The following SLC39A6 variants were observed in gnomAD, a reference collection of about 807,000 sequenced individuals.
The protein encoded by SLC39A6 is zinc transporter ZIP6.
In SLC39A6, 51 loss-of-function variants were observed where a neutral mutation model predicts 63.5. The observed-to-expected ratio is 0.80, with a 90% confidence interval of 0.64 to 1.01. The LOEUF (loss-of-function observed/expected upper bound fraction) is 1.01, where lower values mean the gene tolerates loss of function less well. Ranked by LOEUF, SLC39A6 falls within the 50% of genes least tolerant of loss-of-function variation. The pLI, the probability that SLC39A6 is intolerant of heterozygous loss-of-function variation, is 0.00. For missense variants in SLC39A6, 805 were observed against 927.8 expected (o/e 0.87, Z 1.72); for synonymous variants, 318 against 324.7 (o/e 0.98, Z 0.22).
At chr18:36,127,652 A>G (rs2089450777) in intron 1 of SLC39A6, among the ~76,000 whole-genome samples, 1 of 152,186 alleles carries the variant, frequency 6.6e-6, no homozygotes, top group South Asian at 2.1e-4. Flanking sequence ...CTCTCCTTAC[A>G]TACAAGCCCA....
At chr18:36,118,303 A>T (rs1425916275) in intron 5 of SLC39A6, among the ~76,000 whole-genome samples, 2 of 152,186 alleles carry the variant, frequency 1.3e-5, no homozygotes, top group African/African-American at 2.4e-5. Flanking sequence ...CTCTGTTCTC[A>T]TGGAGCTTAC....
chr18:36,122,165 C>A lies in SLC39A6; in HGVS notation c.1246G>T (p.Ala416Ser), dbSNP rs749401733. 2 of 1,613,888 alleles carry A rather than the reference C, an allele frequency of 1.2e-6. No individual in the cohort carries two copies. Among genetic ancestry groups the A allele is most frequent in the Non-Finnish European group, 1.7e-6 (2 of 1,179,808 alleles). The part of the protein sequence containing the change: ...HLSSQNIEES[A>S]YFDSTWKGLT... ...CCCTTCCACGTGGAATCAAAATAGGCACTTTCTTCTATGTTTTGAGAAGAC... is the reference window on the plus strand; with the variant it reads ...CCCTTCCACGTGGAATCAAAATAGGAACTTTCTTCTATGTTTTGAGAAGAC... The change falls in exon 5 of 10, where the codon GCC becomes TCC. Residue 416 changes from alanine (A) to serine (S), a missense_variant. This residue lies in a region of SLC39A6 where 639 missense variants were observed against 644.0 expected (regional missense o/e 0.99). Transcript: ENST00000269187.
In SLC39A6 at chr18:36,126,454, C is replaced by G. The variant is rs897650740; in HGVS notation, c.554G>C (p.Ser185Thr). The stretch of plus-strand genomic sequence containing the variant: ...GTTGTACACAGTTGAGGTCACTTCA[C>G]TAGCACTAACACTGTCCTTGACATT... ...RRNVKDSVSA[S>T]EVTSTVYNTV... Residue 185 changes from serine to threonine, a missense_variant, in exon 2 of 10, where the codon AGT becomes ACT. Ser to Thr is a moderately conservative substitution (Grantham distance 58). Transcript: ENST00000269187. 8 of 1,614,254 alleles carry G rather than the reference C, an allele frequency of 5.0e-6. No homozygotes were observed. Among genetic ancestry groups the G allele is most frequent in the Non-Finnish European group, 6.8e-6 (8 of 1,180,042 alleles).
In SLC39A6 at chr18:36,123,489, A is replaced by G. The variant is rs1360207792; in HGVS notation, c.1140+6T>C. ...AAACACTAACAGGACAAATTACTAT[A>G]CTTACATGTGGAAGAAGGTGTAAAA... On this transcript the variant is annotated splice_donor_region_variant and intron_variant, in intron 4 of 9. Coordinates refer to ENST00000269187, the MANE Select transcript of SLC39A6 (RefSeq NM_012319.4). 1.2e-6 allele frequency: 2 copies of G among 1,605,700 alleles called. No individual in the cohort carries two copies. Among genetic ancestry groups the G allele is most frequent in the Non-Finnish European group, 1.7e-6 (2 of 1,177,482 alleles).
chr18:36,122,309 T>C, intron 4 of SLC39A6, 39 bp from the exon 5 acceptor site: 1 of 1,511,836 alleles, frequency 6.6e-7, no homozygotes, highest in Non-Finnish European at 9.1e-7. Flanking sequence ...AATTCATCAG[T>C]TTCACACACC....
At position 36,127,137 on chromosome 18, in the gene SLC39A6, T is replaced by C. The variant is rs535727519; in HGVS notation, c.-9-121A>G. 17 of 810,702 alleles carry C rather than the reference T, an allele frequency of 2.1e-5. No homozygotes were observed. The South Asian group carries it at 3.2e-4, about 15-fold the overall frequency. The allele number at this position is 810,702 out of a possible 1,614,324, so 50.2% of individuals were successfully genotyped here. The stretch of plus-strand genomic sequence containing the variant: ...AAAGTTGCCAGAGCATCATGTGGTG[T>C]GACCAGTGTGACGCTAGGTACTGTG... On this transcript the variant is annotated intron_variant, in intron 1 of 9. Transcript: ENST00000269187.
intron 5 of SLC39A6, among the ~76,000 whole-genome samples, chr18:36,120,478 T>C (rs1379344536): frequency 1.3e-5 from 2 of 152,172 alleles, no homozygotes; most frequent in African/African-American, 4.8e-5. Flanking sequence ...TAAGAGCAAA[T>C]ACTCCTAGTA....
chr18:36,124,965 G>A (rs2089424300), intron 2 of SLC39A6, among the ~76,000 whole-genome samples: 2 of 152,160 alleles, frequency 1.3e-5, no homozygotes, highest in Admixed American at 1.3e-4. Context: ...GAACAAGCAT[G>A]AGGATAAATG....
chr18:36,114,591 C>A, intron 6 of SLC39A6, 117 bp from the exon 7 acceptor site: 1 of 670,038 alleles, frequency 1.5e-6, no homozygotes, highest in Non-Finnish European at 2.5e-6. Context: ...ATAACTCCTT[C>A]ATATCTGCAG....
In SLC39A6 at chr18:36,126,692, A is replaced by C; in HGVS notation, c.316T>G (p.Ser106Ala). The C allele has an allele frequency of 6.2e-7, 1 of 1,613,376 alleles. No individual in the cohort carries two copies. The highest frequency in any genetic ancestry group is 8.5e-7 in the Non-Finnish European group (1 of 1,179,582). Residue 106 changes from serine to alanine, a missense_variant, in exon 2 of 10, where the codon TCA becomes GCA. Ser to Ala is a moderately conservative substitution (Grantham distance 99). Transcript: ENST00000269187. ...TGGTCTGAGTGACGCTCATGGTCTGAGTGATGCTCGTGGTCTGAGTGATGG... is the reference window on the plus strand; with the variant it reads ...TGGTCTGAGTGACGCTCATGGTCTGCGTGATGCTCGTGGTCTGAGTGATGG... ...HDHHSDHEHH[S>A]DHERHSDHEH...
chr18:36,116,696 C>A lies in SLC39A6; in HGVS notation c.1443G>T (p.Glu481Asp), dbSNP rs2089348125. The A allele has an allele frequency of 1.2e-6, 2 of 1,611,476 alleles. No homozygotes were observed. Among genetic ancestry groups the A allele is most frequent in the East Asian group, 4.5e-5 (2 of 44,824 alleles). Residue 481 changes from glutamate to aspartate, a missense_variant, in exon 6 of 10, where the codon GAG (glutamate) becomes GAT (aspartate). Physicochemically the swap from Glu to Asp is conservative, Grantham distance 45 (BLOSUM62 2). This residue lies in a region of SLC39A6 where 639 missense variants were observed against 644.0 expected (regional missense o/e 0.99). Coordinates refer to ENST00000269187, the MANE Select transcript of SLC39A6 (RefSeq NM_012319.4). The stretch of plus-strand genomic sequence containing the variant: ...TACGATCATCTGTATCTACTTTCTC[C>A]TCATTTGTTGAAAGTTGAGATTCAT... Reference protein sequence around the residue: ...SKYESQLSTNEEKVDTDDRTE... With the variant: ...SKYESQLSTNDEKVDTDDRTE...
chr18:36,110,014 G>A (rs765561981), intron 9 of SLC39A6, among the ~76,000 whole-genome samples: 6 of 152,108 alleles, frequency 3.9e-5, no homozygotes, highest in African/African-American at 4.8e-5. Flanking sequence ...AATGAAAAGC[G>A]ATATTGATTT....
Position 36,127,003 on chromosome 18 carries a change from G to A in SLC39A6, c.5C>T (p.Ala2Val). The A allele has an allele frequency of 6.3e-7, 1 of 1,591,966 alleles. No individual in the cohort carries two copies. The highest frequency in any genetic ancestry group is 8.5e-7 in the Non-Finnish European group (1 of 1,169,992). ...GATCAAGATTACAGATAACTTCCTC[G>A]CCATTGCGCCTTCCTAGAAAAGACA... The part of the protein sequence containing the change: M[A>V]RKLSVILILT... Residue 2 changes from alanine to valine, a missense_variant, in exon 2 of 10, where the codon GCG becomes GTG. Coordinates refer to ENST00000269187, the MANE Select transcript of SLC39A6 (RefSeq NM_012319.4).
chr18:36,112,350 G>C lies in SLC39A6; in HGVS notation c.1924+151C>G, dbSNP rs1200825769. The C allele has an allele frequency of 8.3e-6, 5 of 603,804 alleles. No homozygotes were observed. In the African/African-American group the frequency reaches 9.2e-5, roughly 11 times the overall value. 37.4% of individuals were successfully genotyped at this position (603,804 alleles called of 1,614,324 possible). ...GTCTTATTCACCTTGTGTGTATGAAGATGATCCCTGATGTCATCAGTATGC... is the reference window on the plus strand; with the variant it reads ...GTCTTATTCACCTTGTGTGTATGAACATGATCCCTGATGTCATCAGTATGC... On this transcript the variant is annotated intron_variant, in intron 8 of 9. Coordinates refer to ENST00000269187, the MANE Select transcript of SLC39A6 (RefSeq NM_012319.4).
intron 9 of SLC39A6, 113 bp downstream of exon 9, chr18:36,110,946 C>G (rs939899890): frequency 4.7e-5 from 69 of 1,482,736 alleles, no homozygotes; most frequent in Non-Finnish European, 5.7e-5. Context: ...GACGACATAG[C>G]AAGATTCCAC....
At chr18:36,110,409 A>C (rs1457907458) in intron 9 of SLC39A6, among the ~76,000 whole-genome samples, 1 of 151,346 alleles carries the variant, frequency 6.6e-6, no homozygotes, top group African/African-American at 2.4e-5. Context: ...ACACATATTA[A>C]GCAAGATAAA....
At chr18:36,127,601 A>G (rs901568635) in intron 1 of SLC39A6, among the ~76,000 whole-genome samples, 3 of 152,028 alleles carry the variant, frequency 2.0e-5, no homozygotes, top group Admixed American at 6.6e-5. Context: ...AGAAATAATA[A>G]TCTCAGAATT....
Position 36,109,021 on chromosome 18 carries a change from C to A in SLC39A6, c.*572G>T, listed in dbSNP as rs528320295. 2.6e-5 allele frequency: 4 copies of A among 152,242 alleles called. No homozygotes were observed. The highest frequency in any genetic ancestry group is 2.1e-4 in the South Asian group (1 of 4,822). The allele number at this position is 152,242 out of a possible 1,614,324, so 9.4% of individuals were successfully genotyped here. On this transcript the variant is annotated 3_prime_UTR_variant, in exon 10 of 10. Coordinates refer to ENST00000269187, the MANE Select transcript of SLC39A6 (RefSeq NM_012319.4). ...ACGTTTTTACGGGAAATAATCCTGA[C>A]AAAAATGTTTAATGAATGTACTCTA...
chr18:36,111,986 C>T (rs375226204), intron 8 of SLC39A6, among the ~76,000 whole-genome samples: 8 of 152,116 alleles, frequency 5.3e-5, no homozygotes, highest in African/African-American at 1.9e-4. Context: ...GAGTTCAATG[C>T]TACAATTATA....
Sources: allele counts gnomAD v4.1 joint callset (sites outside exome capture counted in the v4.1 genomes callset), GRCh38; gene constraint gnomAD v4.1.1; regional missense constraint gnomAD v4.1.1; transcripts MANE v1.5; gene names NCBI Gene and HGNC (gene_info 2026-07-23, HGNC 2026-07-21).